Variants in ALDH7A1 observed in about 807,000 individuals in gnomAD.
The protein encoded by ALDH7A1 is aldehyde dehydrogenase 7 family member A1, also known as alpha-aminoadipic semialdehyde dehydrogenase.
A neutral mutation model predicts 79.9 loss-of-function variants in ALDH7A1; 63 were observed. The ratio of observed to expected loss-of-function variants is 0.79; its 90% CI spans 0.64 to 0.97. The LOEUF (loss-of-function observed/expected upper bound fraction) is 0.97. Ranked by LOEUF, ALDH7A1 falls within the 50% of genes least tolerant of loss-of-function variation. ALDH7A1 has a pLI of 0.00. For missense variants in ALDH7A1, 627 were observed against 665.2 expected, an observed-to-expected ratio of 0.94 and a Z score of 0.63; for synonymous variants, 240 against 231.2, an observed-to-expected ratio of 1.04 and a Z score of -0.34.
At chr5:126,583,558 A>G (rs1581395443) in intron 4 of ALDH7A1, among the ~76,000 whole-genome samples, 4 of 150,310 alleles carry the variant, frequency 2.7e-5, no homozygotes, top group African/African-American at 9.8e-5. Context: ...TCTTCTAGCC[A>G]AGTGTGGTGG....
chr5:126,560,957 C>T (rs1750380904), intron 10 of ALDH7A1, 126 bp downstream of exon 10: 4 of 1,043,264 alleles, frequency 3.8e-6, no homozygotes, highest in Non-Finnish European at 4.4e-6. Flanking sequence ...AATTCCTAAA[C>T]ACAGGAACTA....
intron 11 of ALDH7A1, 97 bp from the exon 12 acceptor site, chr5:126,556,112 T>G (rs1272912154): frequency 4.5e-6 from 3 of 664,488 alleles, no homozygotes; most frequent in Non-Finnish European, 7.5e-6. Flanking sequence ...TACTGTAATC[T>G]CTAAAAATAT....
At chr5:126,577,283 CG>C in intron 5 of ALDH7A1, 72 bp from the exon 6 acceptor site, 1 of 1,580,066 alleles carries the variant, frequency 6.3e-7, no homozygotes, top group Admixed American at 1.8e-5. Context: ...TAAGAACAAA[CG>C]TACAGCAGAC....
rs1243384894 is a variant in ALDH7A1 at position 126,592,745 on chromosome 5, G to A, written c.247-16C>T. The A allele has an allele frequency of 4.3e-6, 7 of 1,609,668 alleles. No homozygotes were observed. Among genetic ancestry groups the A allele is most frequent in the Non-Finnish European group, 5.1e-6 (6 of 1,176,388 alleles). On this transcript the variant is annotated splice_polypyrimidine_tract_variant and intron_variant, in intron 2 of 17. Transcript: ENST00000409134. ...CCACACTGGCCTAAATTAAGAATTA[G>A]GGGGACAGAAAGGGGGAAATAAAGA... is the stretch of plus-strand genomic sequence containing the variant.
intron 11 of ALDH7A1, among the ~76,000 whole-genome samples, chr5:126,558,709 A>G (rs894487900): frequency 2.6e-5 from 4 of 152,168 alleles, no homozygotes; most frequent in South Asian, 2.1e-4. Context: ...AACTTTTTAT[A>G]AAGACAGGGA....
chr5:126,577,067 A>G lies in ALDH7A1; in HGVS notation c.650+12T>C. On this transcript the variant is annotated intron_variant, in intron 6 of 17. Transcript: ENST00000409134. The stretch of plus-strand genomic sequence containing the variant: ...TCACTCACTACTAAATAGGAAAGTG[A>G]GCAGGTCTTACCAGAGGCAGACATT... The G allele has an allele frequency of 6.2e-7, 1 of 1,613,704 alleles. No homozygotes were observed. The highest frequency in any genetic ancestry group is 1.1e-5 in the South Asian group (1 of 91,064).
chr5:126,580,833 T>C (rs538531056), intron 5 of ALDH7A1, among the ~76,000 whole-genome samples: 288 of 152,074 alleles, frequency 1.9e-3, no homozygotes, highest in Non-Finnish European at 3.1e-3. Context: ...CTCATTTTTT[T>C]TTTTTTTTGA....
intron 9 of ALDH7A1, among the ~76,000 whole-genome samples, chr5:126,565,897 A>G (rs73785357): frequency 0.033 from 5,053 of 152,348 alleles, 213 homozygotes; most frequent in African/African-American, 0.1. Flanking sequence ...GACCATAAAT[A>G]CAAGGGTTTA....
chr5:126,590,689 G>A (rs145377743), intron 3 of ALDH7A1, among the ~76,000 whole-genome samples: 52 of 151,852 alleles, frequency 3.4e-4, no homozygotes, highest in African/African-American at 1.1e-3. Flanking sequence ...GTTCGAGACC[G>A]CCCTGGGCAA....
At chr5:126,590,884 T>TA (rs76901782) in intron 3 of ALDH7A1, among the ~76,000 whole-genome samples, 17,406 of 121,820 alleles carry the variant, frequency 0.14, 1,879 homozygotes, top group African/African-American at 0.33. Flanking sequence ...GACCCTGTCT[T>TA]AAAAAAAAAA....
In ALDH7A1 at chr5:126,577,151, G is replaced by A. The variant is rs1388946299; in HGVS notation, c.578C>T (p.Ala193Val). 1 of 1,614,178 alleles carries A rather than the reference G, an allele frequency of 6.2e-7. No homozygotes were observed. Among genetic ancestry groups the A allele is most frequent in the Non-Finnish European group, 8.5e-7 (1 of 1,180,044 alleles). The change falls in exon 6 of 18, where the codon GCA becomes GTA. Residue 193 changes from alanine to valine, a missense_variant. By Grantham distance (64) the Ala-to-Val change is moderately conservative. Transcript: ENST00000409134. ...ATACACTGCCACAGGGAAATTGAAT[G>A]CCGTGATGATTCCAACCAGGCCTAC... Reference protein sequence around the residue: ...NPVGLVGIITAFNFPVAVYGW... With the variant: ...NPVGLVGIITVFNFPVAVYGW...
chr5:126,565,394 CAAAAAAAAAAAAAAA>C (rs1162552475), intron 9 of ALDH7A1, among the ~76,000 whole-genome samples: 1 of 63,352 alleles, frequency 1.6e-5, no homozygotes, highest in Non-Finnish European at 2.7e-5. Context: ...GATTCCATCT[CAAAAAAAAAAAAAAA>C]AAAAAAAAAA....
intron 5 of ALDH7A1, among the ~76,000 whole-genome samples, chr5:126,578,237 C>T (rs1257779212): frequency 3.9e-5 from 6 of 151,912 alleles, no homozygotes; most frequent in African/African-American, 1.4e-4. Context: ...TGCAGTGAGC[C>T]GAGATCCTGC....
chr5:126,595,018 C>T lies in ALDH7A1; in HGVS notation c.181G>A (p.Gly61Ser). 1 of 1,604,378 alleles carries T rather than the reference C, an allele frequency of 6.2e-7. No individual in the cohort carries two copies. The highest frequency in any genetic ancestry group is 8.5e-7 in the Non-Finnish European group (1 of 1,176,304). Residue 61 changes from glycine (G) to serine (S), a missense_variant, in exon 1 of 18, where the codon GGC becomes AGC. Physicochemically the swap from Gly to Ser is moderately conservative, Grantham distance 56. Coordinates refer to ENST00000409134, the MANE Select transcript of ALDH7A1 (RefSeq NM_001182.5). ...GAGCGCCCGCGTACCTCTCCCCGGCCTCCCCAGCTTCCATTATACACGCCC... is the reference window on the plus strand; with the variant it reads ...GAGCGCCCGCGTACCTCTCCCCGGCTTCCCCAGCTTCCATTATACACGCCC... Reference protein sequence around the residue: ...NEGVYNGSWGGRGEVITTYCP... With the variant: ...NEGVYNGSWGSRGEVITTYCP...
chr5:126,586,998 G>T, intron 3 of ALDH7A1: 1 of 152,122 alleles, frequency 6.6e-6, no homozygotes, highest in Non-Finnish European at 1.5e-5. Context: ...AGAATCACTT[G>T]AACCCAGGAG....
intron 7 of ALDH7A1, chr5:126,571,150 A>ATTTTTTTTTTTTTTTTTTTTTTTTT (rs386404930): frequency 1.5e-5 from 3 of 206,678 alleles, no homozygotes; most frequent in African/African-American, 8.2e-5. Flanking sequence ...CTATTAGCAG[A>ATTTTTTTTTTTTTTTTTTTTTTTTT]TTTTTTTTTT....
intron 15 of ALDH7A1, 80 bp downstream of exon 15, chr5:126,550,116 T>C: frequency 1.3e-6 from 2 of 1,537,992 alleles, no homozygotes; most frequent in Non-Finnish European, 1.8e-6. Flanking sequence ...AAAACTGATT[T>C]TAGACTACAG....
rs147735213 is a variant in ALDH7A1 at position 126,550,823 on chromosome 5, G to A, written c.1318-530C>T. Among the ~76,000 whole-genome samples, 221 of 152,318 alleles carry A rather than the reference G, an allele frequency of 1.5e-3. 2 individuals are homozygous for A. Among genetic ancestry groups the A allele is most frequent in the East Asian group, 8.3e-3 (43 of 5,188 alleles). The stretch of plus-strand genomic sequence containing the variant: ...AAGCAAGAAATAAAGAAGCAATGAT[G>A]TAATTGCAACAAGATGCAATTCTCA... On this transcript the variant is annotated intron_variant, in intron 14 of 17. Transcript: ENST00000409134.
intron 16 of ALDH7A1, 77 bp downstream of exon 16, chr5:126,549,852 G>GTTT: frequency 7.7e-7 from 1 of 1,300,518 alleles, no homozygotes; most frequent in Non-Finnish European, 1.1e-6. Flanking sequence ...CAGTCTCTTG[G>GTTT]TCAGCCTTTT....
Sources: allele counts gnomAD v4.1 joint callset (sites outside exome capture counted in the v4.1 genomes callset), GRCh38; gene constraint gnomAD v4.1.1; transcripts MANE v1.5; gene names NCBI Gene and HGNC (gene_info 2026-07-23, HGNC 2026-07-21).